EDEM2: variants seen among roughly 807,000 people sequenced by gnomAD.
EDEM2 encodes ER degradation-enhancing alpha-mannosidase-like protein 2.
In EDEM2, 39 loss-of-function variants were observed where a neutral mutation model predicts 64.8. The ratio of observed to expected loss-of-function variants is 0.60; its 90% confidence interval spans 0.47 to 0.79. EDEM2 has a LOEUF of 0.79. Among genes scored for constraint, EDEM2 ranks in the 30% least tolerant of loss-of-function variants. The pLI, the probability that EDEM2 is intolerant of heterozygous loss-of-function variation, is 0.00. For missense variants in EDEM2, 609 were observed against 731.3 expected (o/e 0.83, Z 1.93); for synonymous variants, 296 against 291.5 (o/e 1.02, Z -0.16).
intron 5 of EDEM2, among the ~76,000 whole-genome samples, chr20:35,136,236 G>A (rs1213293089): frequency 6.6e-6 from 1 of 152,174 alleles, no homozygotes; most frequent in African/African-American, 2.4e-5. Context: ...ACAAAATCCT[G>A]TTTCTTGACC....
chr20:35,117,631 T>C (rs2085324049), intron 10 of EDEM2, among the ~76,000 whole-genome samples: 1 of 152,250 alleles, frequency 6.6e-6, no homozygotes. Context: ...ATATTTTACT[T>C]ATAGAATATA....
chr20:35,133,370 A>G lies in EDEM2; in HGVS notation c.702+1368T>C, dbSNP rs146031177. ...TGGAAATGTTAAGAGTTGAGAGGAT[A>G]TGGGCATGGCACCAACAGAGTCTAC... is the stretch of plus-strand genomic sequence containing the variant. On this transcript the variant is annotated intron_variant, in intron 6 of 10. Transcript: ENST00000374492. Among the ~76,000 whole-genome samples, 40 of 152,148 alleles carry G rather than the reference A, an allele frequency of 2.6e-4. No homozygotes were observed. The East Asian group carries it at 7.6e-3, about 29-fold the overall frequency.
At chr20:35,146,764 C>T in intron 2 of EDEM2, 61 bp downstream of exon 2, 1 of 1,568,362 alleles carries the variant, frequency 6.4e-7, no homozygotes, top group Non-Finnish European at 8.7e-7. Context: ...CCCAGCTGAC[C>T]CGCCCGCCGA....
chr20:35,126,844 G>A lies in EDEM2; in HGVS notation c.845-469C>T, dbSNP rs1404682215. Among the ~76,000 whole-genome samples, 5 of 152,106 alleles carry A rather than the reference G, an allele frequency of 3.3e-5. No individual in the cohort carries two copies. In the South Asian group the frequency reaches 6.2e-4, roughly 19 times the overall value. ...GGAGAATTGCTTGAACCCAGGAGGCGGAGGTTGCTGTGAGCTGAGATCGCA... is the reference window on the plus strand; with the variant it reads ...GGAGAATTGCTTGAACCCAGGAGGCAGAGGTTGCTGTGAGCTGAGATCGCA... On this transcript the variant is annotated intron_variant, in intron 7 of 10. Transcript: ENST00000374492.
chr20:35,118,557 G>A (rs765367095), intron 10 of EDEM2, 41 bp downstream of exon 10: 2 of 1,612,920 alleles, frequency 1.2e-6, no homozygotes, highest in Non-Finnish European at 1.7e-6. Context: ...TAGCAGCAAG[G>A]GGAGACTCTT....
intron 5 of EDEM2, among the ~76,000 whole-genome samples, chr20:35,135,581 G>A (rs985452218): frequency 6.6e-6 from 1 of 152,160 alleles, no homozygotes; most frequent in African/African-American, 2.4e-5. Context: ...AACCCAAGAG[G>A]CGTGGGCTGC....
intron 8 of EDEM2, 122 bp downstream of exon 8, chr20:35,126,129 A>T: frequency 7.6e-7 from 1 of 1,313,396 alleles, no homozygotes; most frequent in South Asian, 1.5e-5. Flanking sequence ...TCCATCCTCA[A>T]CCTGTCCCTC....
At chr20:35,143,318 A>G (rs1268925425) in intron 3 of EDEM2, among the ~76,000 whole-genome samples, 1 of 152,152 alleles carries the variant, frequency 6.6e-6, no homozygotes, top group African/African-American at 2.4e-5. Flanking sequence ...CAAGGGACAA[A>G]CACAGCTAAC....
At chr20:35,131,590 C>T in intron 7 of EDEM2, 52 bp downstream of exon 7, 1 of 1,594,752 alleles carries the variant, frequency 6.3e-7, no homozygotes, top group Non-Finnish European at 8.6e-7. Flanking sequence ...AAACAAATCA[C>T]ACATCAGCAA....
chr20:35,125,904 C>T (rs1417569442), intron 8 of EDEM2, among the ~76,000 whole-genome samples: 1 of 152,182 alleles, frequency 6.6e-6, no homozygotes, highest in African/African-American at 2.4e-5. Context: ...GCGGCACAAG[C>T]TGCTTCCTGC....
At chr20:35,121,068 A>G (rs927442) in intron 9 of EDEM2, among the ~76,000 whole-genome samples, 92,800 of 152,168 alleles carry the variant, frequency 0.61, 28,510 homozygotes, top group Admixed American at 0.71. Flanking sequence ...GACCAGTTTC[A>G]TGGAAGACAA....
At position 35,126,303 on chromosome 20, in the gene EDEM2, G is replaced by C; in HGVS notation, c.917C>G (p.Thr306Ser). Residue 306 changes from threonine to serine, a missense_variant, in exon 8 of 11, where the codon ACT becomes AGT. Coordinates refer to ENST00000374492, the MANE Select transcript of EDEM2 (RefSeq NM_018217.3). ...GGACTGGAAGACTGGCATGGACACA[G>C]TCCCCTTGTACATCTGAACCCACAG... is the stretch of plus-strand genomic sequence containing the variant. ...WYLWVQMYKG[T>S]VSMPVFQSLE... 3 of 1,614,124 alleles carry C rather than the reference G, an allele frequency of 1.9e-6. No individual in the cohort carries two copies.
chr20:35,147,124 A>G (rs1372571373), intron 1 of EDEM2, 28 bp downstream of exon 1: 2 of 1,593,986 alleles, frequency 1.3e-6, no homozygotes, highest in African/African-American at 2.7e-5. Flanking sequence ...CCCATTCCCC[A>G]ACTGCGAAAG....
intron 9 of EDEM2, 69 bp downstream of exon 9, chr20:35,123,821 T>A (rs6120838): frequency 0.61 from 949,701 of 1,564,214 alleles, 290,948 homozygotes; most frequent in Admixed American, 0.79. Flanking sequence ...GATGGAGCCT[T>A]GTAGAGGGGA....
At chr20:35,134,117 C>G (rs1266608402) in intron 6 of EDEM2, 2 of 456,096 alleles carry the variant, frequency 4.4e-6, no homozygotes, top group Admixed American at 4.7e-5. Context: ...TAGAGATCAT[C>G]TGGTCCAAAG....
chr20:35,145,208 A>T (rs1444817319), intron 2 of EDEM2, among the ~76,000 whole-genome samples, 190 bp from the exon 3 acceptor site: 1 of 152,172 alleles, frequency 6.6e-6, no homozygotes, highest in African/African-American at 2.4e-5. Context: ...TGCACCTGGG[A>T]GGGTTGGCTG....
rs1334555109 is a variant in EDEM2, at chr20:35,147,252, A to G, written c.7T>C (p.Phe3Leu). The part of the protein sequence containing the change: MP[F>L]RLLIPLGLLC... The stretch of plus-strand genomic sequence containing the variant: ...AGGCCGAGCGGGATGAGCAGCCGGA[A>G]AGGCATAGAGCTCGTGTCCTCTCAG... The change falls in exon 1 of 11, where the codon TTC (phenylalanine) becomes CTC (leucine). Residue 3 changes from phenylalanine (F) to leucine (L), a missense_variant. By Grantham distance (22) the Phe-to-Leu change is conservative (BLOSUM62 0). Transcript: ENST00000374492. The G allele has an allele frequency of 1.9e-6, 3 of 1,585,546 alleles. No homozygotes were observed. Among genetic ancestry groups the G allele is most frequent in the South Asian group, 2.3e-5 (2 of 87,556 alleles).
chr20:35,119,247 C>T (rs1300818717), intron 9 of EDEM2, among the ~76,000 whole-genome samples: 2 of 152,118 alleles, frequency 1.3e-5, no homozygotes, highest in African/African-American at 4.8e-5. Context: ...AAGAGCTTGG[C>T]ATCATAAGGC....
chr20:35,143,747 T>C (rs2085689877), intron 3 of EDEM2, among the ~76,000 whole-genome samples: 1 of 152,096 alleles, frequency 6.6e-6, no homozygotes, highest in East Asian at 1.9e-4. Context: ...GACAGGGTCT[T>C]GCTCTGTTAC....
Sources: gnomAD v4.1 joint callset for allele counts (sites outside exome capture counted in the v4.1 genomes callset) on GRCh38, gnomAD v4.1.1 for gene constraint, MANE v1.5 for transcripts, NCBI Gene and HGNC (gene_info 2026-07-23, HGNC 2026-07-21) for gene names.